Variants in ZNF112 observed in about 807,000 individuals in gnomAD.
ZNF112 encodes zinc finger protein 112 (Y14).
Under a neutral mutation model 77.7 loss-of-function variants are expected in ZNF112, and 37 were observed. The ratio of observed to expected loss-of-function variants is 0.48; its 90% CI spans 0.37 to 0.63. ZNF112 has a LOEUF of 0.63. ZNF112 is among the 20% of genes least tolerant of loss of function. The probability of loss-of-function intolerance (pLI) is 0.00; values close to 1 mark genes in which losing one functional copy is unlikely to be tolerated. For missense variants in ZNF112, 950 were observed against 1,077.4 expected (o/e 0.88, Z 1.66); for synonymous variants, 333 against 363.6 (o/e 0.92, Z 0.96).
upstream of ZNF112, among the ~76,000 whole-genome samples, chr19:44,357,353 T>C (rs150345761): frequency 3.4e-4 from 52 of 152,236 alleles, no homozygotes; most frequent in African/African-American, 1.2e-3. Context: ...AATTACAGAA[T>C]GGAAGCGATG....
At chr19:44,348,790 A>G (rs1052604153) in intron 1 of ZNF112, among the ~76,000 whole-genome samples, 1 of 152,152 alleles carries the variant, frequency 6.6e-6, no homozygotes. Flanking sequence ...GCTAAAGCAG[A>G]TATTATAGGG....
chr19:44,336,916 G>C (rs1368647429), intron 2 of ZNF112, among the ~76,000 whole-genome samples, 198 bp from the exon 3 acceptor site: 1 of 147,730 alleles, frequency 6.8e-6, no homozygotes, highest in East Asian at 2.0e-4. Flanking sequence ...TTTTCTGCCT[G>C]TGCCAGCATG....
chr19:44,355,043 G>C (rs1361202489), intron 1 of ZNF112, among the ~76,000 whole-genome samples: 1 of 152,032 alleles, frequency 6.6e-6, no homozygotes, highest in Admixed American at 6.6e-5. Flanking sequence ...GTCGATGTTA[G>C]AGATTTGCTT....
In ZNF112 at chr19:44,329,626, C is replaced by G; in HGVS notation, c.531G>C (p.Trp177Cys). ...GTGACTCTTTCAGATACATTTTCCT[C>G]CAAGAATGATGTGCCCTCCAAGATG... ...GYPSWRAHHS[W>C]RKMYLKESHN... Residue 177 changes from tryptophan to cysteine, a missense_variant, in exon 4 of 4, where the codon TGG becomes TGC. Transcript: ENST00000354340. The G allele has an allele frequency of 6.2e-7, 1 of 1,614,142 alleles. No individual in the cohort carries two copies.
At chr19:44,332,631 CT>C (rs985103516) in intron 3 of ZNF112, among the ~76,000 whole-genome samples, 30 of 152,226 alleles carry the variant, frequency 2.0e-4, no homozygotes, top group Non-Finnish European at 4.4e-4. Flanking sequence ...TATGTCCTGT[CT>C]TTTGGGACTG....
At chr19:44,346,288 C>A (rs1970588565) in intron 1 of ZNF112, among the ~76,000 whole-genome samples, 1 of 152,192 alleles carries the variant, frequency 6.6e-6, no homozygotes, top group Admixed American at 6.5e-5. Context: ...TGTTCTTCAT[C>A]TGTAAAATGG....
upstream of ZNF112, among the ~76,000 whole-genome samples, chr19:44,360,512 A>G (rs1970845438): frequency 6.6e-6 from 1 of 152,198 alleles, no homozygotes; most frequent in South Asian, 2.1e-4. Context: ...CATTTCCTCT[A>G]TGATGGGGAA....
chr19:44,354,996 G>A (rs1402014538), intron 1 of ZNF112, among the ~76,000 whole-genome samples: 1 of 151,948 alleles, frequency 6.6e-6, no homozygotes, highest in African/African-American at 2.4e-5. Flanking sequence ...ATCAACGTTT[G>A]GCAATTATGA....
chr19:44,359,315 CTTTTTTTTTTTTTTTTTTTTT>C (rs767955186), upstream of ZNF112, among the ~76,000 whole-genome samples: 1 of 54,834 alleles, frequency 1.8e-5, no homozygotes, highest in African/African-American at 7.0e-5. Context: ...TATTAGAGTT[CTTTTTTTTTTTTTTTTTTTTT>C]TTTTTTTTTG....
At chr19:44,359,442 G>A (rs1320314424), upstream of ZNF112, among the ~76,000 whole-genome samples, 3 of 140,364 alleles carry the variant, frequency 2.1e-5, no homozygotes, top group African/African-American at 7.9e-5. Context: ...TCCTGCCCCA[G>A]CCTCCCGAGT....
At chr19:44,342,758 T>C (rs1342303280) in intron 1 of ZNF112, among the ~76,000 whole-genome samples, 2 of 149,742 alleles carry the variant, frequency 1.3e-5, no homozygotes, top group Admixed American at 6.7e-5. Flanking sequence ...GAGGGTGCAG[T>C]GAGCCGAGAT....
At chr19:44,350,777 C>T (rs927318080) in intron 1 of ZNF112, among the ~76,000 whole-genome samples, 1 of 152,078 alleles carries the variant, frequency 6.6e-6, no homozygotes, top group Non-Finnish European at 1.5e-5. Context: ...AAGGACCTTT[C>T]TGCATTTCAA....
intron 1 of ZNF112, among the ~76,000 whole-genome samples, chr19:44,347,485 A>ACTT (rs1555804139): frequency 1.2e-4 from 5 of 40,320 alleles, no homozygotes; most frequent in African/African-American, 2.9e-4. Flanking sequence ...TTTTGGGTTG[A>ACTT]TTTTTTTTTT....
chr19:44,359,959 G>A (rs73043741), upstream of ZNF112, among the ~76,000 whole-genome samples: 1 of 152,072 alleles, frequency 6.6e-6, no homozygotes, highest in Non-Finnish European at 1.5e-5. Context: ...TCATTAGAAT[G>A]GAAAATGACA....
At chr19:44,358,056 G>A (rs1260330825), upstream of ZNF112, among the ~76,000 whole-genome samples, 1 of 151,866 alleles carries the variant, frequency 6.6e-6, no homozygotes, top group African/African-American at 2.4e-5. Flanking sequence ...GGAGGCTGAG[G>A]CAGGAGAATG....
upstream of ZNF112, among the ~76,000 whole-genome samples, chr19:44,361,120 C>T (rs768234529): frequency 1.3e-4 from 20 of 152,096 alleles, no homozygotes; most frequent in Non-Finnish European, 2.5e-4. Flanking sequence ...TCCACTTGTA[C>T]GAAGTTCATT....
At chr19:44,366,485 T>G (rs1330187045) in intron 1 of ZNF112, among the ~76,000 whole-genome samples, 1 of 152,086 alleles carries the variant, frequency 6.6e-6, no homozygotes, top group South Asian at 2.1e-4. Flanking sequence ...AGAAGAAGGA[T>G]GCTAAGTCAC....
intron 3 of ZNF112, among the ~76,000 whole-genome samples, chr19:44,334,497 A>C (rs1002790011): frequency 6.6e-6 from 1 of 152,262 alleles, no homozygotes; most frequent in Non-Finnish European, 1.5e-5. Flanking sequence ...AATAGCCAAG[A>C]AAATGGGGAA....
chr19:44,344,462 A>G (rs990390455), intron 1 of ZNF112, among the ~76,000 whole-genome samples: 7 of 152,208 alleles, frequency 4.6e-5, no homozygotes, highest in Non-Finnish European at 1.0e-4. Context: ...GCACTACTCC[A>G]GTAGGCACCT....
Sources: gnomAD v4.1 joint callset for allele counts (sites outside exome capture counted in the v4.1 genomes callset) on GRCh38, gnomAD v4.1.1 for gene constraint, MANE v1.5 for transcripts, NCBI Gene and HGNC (gene_info 2026-07-23, HGNC 2026-07-21) for gene names.